The following NXF1 variants were observed in gnomAD, a reference collection of about 807,000 sequenced individuals.
NXF1 encodes the protein mRNA export factor TAP.
In NXF1, 43 loss-of-function variants were observed where a neutral mutation model predicts 92.4. The observed-to-expected ratio is 0.47, with a 90% CI of 0.36 to 0.60. The LOEUF (loss-of-function observed/expected upper bound fraction) is 0.60. Ranked by LOEUF, NXF1 falls within the 20% of genes least tolerant of loss-of-function variation. The pLI is 0.00. For missense variants in NXF1, 576 were observed against 793.0 expected (o/e 0.73, Z 3.29); for synonymous variants, 288 against 292.2 (o/e 0.99, Z 0.15).
intron 13 of NXF1, 86 bp from the exon 14 acceptor site, chr11:62,796,653 C>T (rs1028901956): frequency 1.0e-5 from 9 of 885,840 alleles, no homozygotes; most frequent in Middle Eastern, 3.3e-4. Flanking sequence ...GAGTTGTGGC[C>T]GGGCATGGAA....
chr11:62,803,633 C>T (rs1285067887), intron 2 of NXF1, 61 bp from the exon 3 acceptor site: 1 of 1,599,500 alleles, frequency 6.3e-7, no homozygotes, highest in Non-Finnish European at 8.6e-7. Flanking sequence ...CAAAGGCCTT[C>T]CTGCACTGTT....
In NXF1 at chr11:62,801,987, T is replaced by C. The variant is rs768718317; in HGVS notation, c.513A>G (p.Ala171=). The part of the protein sequence containing the change: ...FFVEDASTAS[A]LKAVNYKILD... Reference sequence around the variant, plus strand: ...AAATCTTATAGTTGACAGCCTTCAATGCAGAGGCAGTACTGGCGTCTTCAA... The same window carrying C: ...AAATCTTATAGTTGACAGCCTTCAACGCAGAGGCAGTACTGGCGTCTTCAA... Residue 171 remains alanine, a synonymous_variant, in exon 5 of 21, where the codon GCA becomes GCG. Coordinates refer to ENST00000294172, the MANE Select transcript of NXF1 (RefSeq NM_006362.5). 3 of 1,614,238 alleles carry C rather than the reference T, an allele frequency of 1.9e-6. No individual in the cohort carries two copies. Among genetic ancestry groups the C allele is most frequent in the Middle Eastern group, 3.3e-4 (2 of 6,062 alleles).
At chr11:62,794,889 G>A (rs923567903) in intron 18 of NXF1, 46 bp downstream of exon 18, 24 of 1,548,588 alleles carry the variant, frequency 1.5e-5, no homozygotes, top group Non-Finnish European at 2.1e-5. Flanking sequence ...CACACTGTTG[G>A]CCATGGATTA....
chr11:62,798,966 G>A, intron 10 of NXF1: 1 of 1,033,814 alleles, frequency 9.7e-7, no homozygotes, highest in Non-Finnish European at 1.2e-6. Context: ...CATCAGTTCT[G>A]CCAGGTCTGG....
Position 62,794,971 on chromosome 11 carries a change from G to A in NXF1, c.1541C>T (p.Thr514Ile), listed in dbSNP as rs1278701080. ...AGCAGGAACAGCAATGAATGTCCGG[G>A]TGAAGGCTCGCAAAGAATCCCGGGA... ...GKSRDSLRAFTRTFIAVPASN... is the reference protein window; with the variant it reads ...GKSRDSLRAFIRTFIAVPASN... The change falls in exon 18 of 21, where the codon ACC (threonine) becomes ATC (isoleucine). Residue 514 changes from threonine to isoleucine, a missense_variant. Transcript: ENST00000294172. The A allele has an allele frequency of 5.6e-6, 9 of 1,614,084 alleles. No homozygotes were observed. Among genetic ancestry groups the A allele is most frequent in the Non-Finnish European group, 6.8e-6 (8 of 1,180,016 alleles).
At chr11:62,803,626 A>C in intron 2 of NXF1, 54 bp from the exon 3 acceptor site, 1 of 1,607,048 alleles carries the variant, frequency 6.2e-7, no homozygotes, top group South Asian at 1.1e-5. Flanking sequence ...GTCTTCTCAA[A>C]GGCCTTCCTG....
At chr11:62,799,684 C>G (rs1046983143) in intron 10 of NXF1, 1 of 985,954 alleles carries the variant, frequency 1.0e-6, no homozygotes, top group Non-Finnish European at 1.2e-6. Context: ...CCTATGCCCC[C>G]GTGGCCTCCA....
intron 13 of NXF1, 29 bp from the exon 14 acceptor site, chr11:62,796,596 G>A (rs375954157): frequency 2.0e-6 from 3 of 1,477,864 alleles, no homozygotes; most frequent in Non-Finnish European, 2.8e-6. Context: ...AGAAAGTATG[G>A]GCTCTGTGGT....
At chr11:62,802,984 G>C (rs2084495530) in intron 3 of NXF1, among the ~76,000 whole-genome samples, 1 of 152,126 alleles carries the variant, frequency 6.6e-6, no homozygotes, top group Non-Finnish European at 1.5e-5. Flanking sequence ...CTGATTCCTA[G>C]GAGAAAAGAT....
At chr11:62,793,830 A>AC (rs2084392392) in intron 19 of NXF1, among the ~76,000 whole-genome samples, 1 of 150,506 alleles carries the variant, frequency 6.6e-6, no homozygotes, top group African/African-American at 2.4e-5. Context: ...AAAAAAAAAA[A>AC]AAAAAAAAAA....
At chr11:62,801,715 A>C (rs775700748) in intron 6 of NXF1, 24 bp downstream of exon 6, 1 of 1,611,980 alleles carries the variant, frequency 6.2e-7, no homozygotes, top group South Asian at 1.1e-5. Context: ...TGGGTTGGAA[A>C]CATCTAATTT....
Position 62,802,035 on chromosome 11 carries a change from C to G in NXF1, c.465G>C (p.Glu155Asp), listed in dbSNP as rs763600489. The part of the protein sequence containing the change: ...VPFTPIEFHY[E>D]NTRAQFFVED... The stretch of plus-strand genomic sequence containing the variant: ...CAACGAAGAACTGGGCCCGTGTATT[C>G]TCATAGTGAAACTACAAGAGGAAAC... The change falls in exon 5 of 21, where the codon GAG becomes GAC. Residue 155 changes from glutamate to aspartate, a missense_variant. Coordinates refer to ENST00000294172, the MANE Select transcript of NXF1 (RefSeq NM_006362.5). The G allele has an allele frequency of 6.2e-7, 1 of 1,614,044 alleles. No individual in the cohort carries two copies. The highest frequency in any genetic ancestry group is 1.3e-5 in the African/African-American group (1 of 74,942).
Position 62,800,452 on chromosome 11 carries a change from C to T in NXF1, c.941G>A (p.Gly314Glu). 6.2e-7 allele frequency: 1 copy of T among 1,614,016 alleles called. No homozygotes were observed. The change falls in exon 10 of 21, where the codon GGG becomes GAG. Residue 314 changes from glycine to glutamate, a missense_variant. Gly to Glu is a moderately conservative substitution (Grantham distance 98, BLOSUM62 -2). Around this residue, in one of 2 missense-constraint regions of NXF1, gnomAD observed 425 missense variants for 635.2 expected, o/e 0.67. Transcript: ENST00000294172. ...GAGCCAGAGCTCTTCTAGCTTCAGC[C>T]CCTTTATCTTGTCCAATTCCCGCTC... ...KSERELDKIK[G>E]LKLEELWLDG...
chr11:62,800,247 T>A, intron 10 of NXF1, 130 bp downstream of exon 10: 2 of 1,497,234 alleles, frequency 1.3e-6, no homozygotes, highest in East Asian at 5.0e-5. Context: ...GAGCACGCGA[T>A]CCTCTCAAAG....
At position 62,801,973 on chromosome 11, in the gene NXF1, T is replaced by G. The variant is rs756025099; in HGVS notation, c.527A>C (p.Asn176Thr). 1.2e-6 allele frequency: 2 copies of G among 1,614,138 alleles called. No individual in the cohort carries two copies. Among genetic ancestry groups the G allele is most frequent in the African/African-American group, 1.3e-5 (1 of 74,952 alleles). Reference sequence around the variant, plus strand: ...GTTCTCCCGATCCAAAATCTTATAGTTGACAGCCTTCAATGCAGAGGCAGT... The same window carrying G: ...GTTCTCCCGATCCAAAATCTTATAGGTGACAGCCTTCAATGCAGAGGCAGT... ...ASTASALKAV[N>T]YKILDRENRR... is the part of the protein sequence containing the mutation. Residue 176 changes from asparagine (N) to threonine (T), a missense_variant, in exon 5 of 21, where the codon AAC (asparagine) becomes ACC (threonine). Asn to Thr is a moderately conservative substitution (Grantham distance 65). This residue lies in a region of NXF1 where 425 missense variants were observed against 635.2 expected (regional missense o/e 0.67). Transcript: ENST00000294172.
chr11:62,803,785 C>G lies in NXF1; in HGVS notation c.215+7G>C. On this transcript the variant is annotated splice_region_variant and intron_variant, in intron 2 of 20. Transcript: ENST00000294172. The stretch of plus-strand genomic sequence containing the variant: ...CTAAATTCAAACCAGACCAACTGGT[C>G]ACTCACTATCGTACTCGGGGACCAT... 1.2e-6 allele frequency: 2 copies of G among 1,611,204 alleles called. No homozygotes were observed. Among genetic ancestry groups the G allele is most frequent in the Non-Finnish European group, 1.7e-6 (2 of 1,178,128 alleles).
At chr11:62,793,379 C>CTATT (rs2084387118) in intron 19 of NXF1, among the ~76,000 whole-genome samples, 1 of 152,140 alleles carries the variant, frequency 6.6e-6, no homozygotes, top group Admixed American at 6.6e-5. Flanking sequence ...TCCCAGCCAA[C>CTATT]TATTAGGTTT....
At chr11:62,794,031 GT>G (rs1216058720) in intron 19 of NXF1, among the ~76,000 whole-genome samples, 1 of 151,542 alleles carries the variant, frequency 6.6e-6, no homozygotes, top group East Asian at 1.9e-4. Flanking sequence ...ATAAAATAAG[GT>G]GGCACATGCC....
intron 3 of NXF1, 39 bp downstream of exon 3, chr11:62,803,380 C>T (rs1173899578): frequency 6.4e-7 from 1 of 1,560,618 alleles, no homozygotes; most frequent in South Asian, 1.1e-5. Flanking sequence ...GCGTGGCCTC[C>T]TATCTCTACT....
Sources: gnomAD v4.1 joint callset for allele counts (sites outside exome capture counted in the v4.1 genomes callset) on GRCh38, gnomAD v4.1.1 for gene constraint, gnomAD v4.1.1 regional missense constraint, MANE v1.5 for transcripts, NCBI Gene and HGNC (gene_info 2026-07-23, HGNC 2026-07-21) for gene names.